Variants in EFR3B observed in about 807,000 individuals in gnomAD.
EFR3B encodes the protein EFR3 homolog B, also known as protein EFR3 homolog B.
In EFR3B, 64 loss-of-function variants were observed where a neutral mutation model predicts 104.7. The observed-to-expected ratio is 0.61, with a 90% CI of 0.50 to 0.75. EFR3B has a LOEUF of 0.75. EFR3B is among the 30% of genes least tolerant of loss of function. EFR3B has a pLI of 0.00. For missense variants in EFR3B, 750 were observed against 1,078.5 expected, an observed-to-expected ratio of 0.70 and a Z score of 4.27; for synonymous variants, 385 against 417.9, an observed-to-expected ratio of 0.92 and a Z score of 0.96.
rs768932917 is a variant in EFR3B at position 25,153,701 on chromosome 2, T to C, written c.2299-11T>C. 1.3e-6 allele frequency: 2 copies of C among 1,551,526 alleles called. No individual in the cohort carries two copies. The highest frequency in any genetic ancestry group is 2.7e-5 in the African/African-American group (2 of 73,036). On this transcript the variant is annotated splice_polypyrimidine_tract_variant and intron_variant, in intron 21 of 22. Coordinates refer to ENST00000403714, the MANE Select transcript of EFR3B (RefSeq NM_014971.2). ...ACCCCTGCCAGCTCACTTCCGTGTGTTTGTGTCTAGGCATCGCTGCTCCAG... is the reference window on the plus strand; with the variant it reads ...ACCCCTGCCAGCTCACTTCCGTGTGCTTGTGTCTAGGCATCGCTGCTCCAG...
At chr2:25,135,075 G>T (rs1027401020) in intron 12 of EFR3B, among the ~76,000 whole-genome samples, 2 of 152,158 alleles carry the variant, frequency 1.3e-5, no homozygotes, top group Non-Finnish European at 1.5e-5. Context: ...TTCTTCCACT[G>T]TCTCGTTCTT....
chr2:25,055,967 A>G (rs999245198), intron 1 of EFR3B, among the ~76,000 whole-genome samples: 4 of 152,194 alleles, frequency 2.6e-5, no homozygotes, highest in Non-Finnish European at 5.9e-5. Context: ...CTAGCATCTA[A>G]CCGGGAACTT....
chr2:25,052,711 G>T (rs1667910720), intron 1 of EFR3B, among the ~76,000 whole-genome samples: 1 of 151,742 alleles, frequency 6.6e-6, no homozygotes, highest in Non-Finnish European at 1.5e-5. Context: ...AACCATGTTG[G>T]TCAGGCTGAT....
chr2:25,067,878 G>A (rs745468476), intron 1 of EFR3B, among the ~76,000 whole-genome samples: 13 of 151,748 alleles, frequency 8.6e-5, no homozygotes, highest in East Asian at 1.9e-4. Flanking sequence ...TGGGGATCTC[G>A]CCATATTGCT....
intron 12 of EFR3B, 82 bp from the exon 13 acceptor site, chr2:25,135,385 T>A: frequency 6.7e-7 from 1 of 1,491,686 alleles, no homozygotes. Flanking sequence ...CAGACCTGAC[T>A]TCCTCTGGCT....
intron 5 of EFR3B, among the ~76,000 whole-genome samples, chr2:25,126,226 T>G (rs141691212): frequency 2.2e-4 from 34 of 152,316 alleles, no homozygotes; most frequent in Middle Eastern, 3.4e-3. Flanking sequence ...TCATCCGGGC[T>G]GGAGTGCAGT....
intron 20 of EFR3B, among the ~76,000 whole-genome samples, chr2:25,151,543 A>C (rs144122018): frequency 2.6e-5 from 4 of 152,160 alleles, no homozygotes; most frequent in Non-Finnish European, 4.4e-5. Flanking sequence ...AGTGTGAGCC[A>C]CCGTGCCCAG....
At position 25,154,194 on chromosome 2, in the gene EFR3B, C is replaced by G; in HGVS notation, c.2349-41C>G. 1.3e-6 allele frequency: 2 copies of G among 1,539,070 alleles called. No homozygotes were observed. The highest frequency in any genetic ancestry group is 2.4e-5 in the South Asian group (2 of 83,596). On this transcript the variant is annotated intron_variant, in intron 22 of 22. Transcript: ENST00000403714. The surrounding 1 kb of genome is among the most constrained non-coding windows in gnomAD (Gnocchi z 4.1). Reference sequence around the variant, plus strand: ...TGCACAAGGGTGGGATCCTAAAATTCTCTTTTCATGCCTTTCTCCCCATGT... The same window carrying G: ...TGCACAAGGGTGGGATCCTAAAATTGTCTTTTCATGCCTTTCTCCCCATGT...
chr2:25,121,463 AG>A (rs1168615283), intron 4 of EFR3B, among the ~76,000 whole-genome samples: 1 of 152,160 alleles, frequency 6.6e-6, no homozygotes, highest in East Asian at 1.9e-4. Flanking sequence ...AGGCCTGAGA[AG>A]GGCCATGGTT....
rs553890394 is a variant in EFR3B at position 25,120,888 on chromosome 2, A to T, written c.364-785A>T. On this transcript the variant is annotated intron_variant, in intron 4 of 22. Transcript: ENST00000403714. ...AAAATGGACTCCAATTTTTGTTGTTATCATTGTTTTTGTTTGTTTTTGTTT... is the reference window on the plus strand; with the variant it reads ...AAAATGGACTCCAATTTTTGTTGTTTTCATTGTTTTTGTTTGTTTTTGTTT... Among the ~76,000 whole-genome samples the T allele has an allele frequency of 2.0e-5, 3 of 152,184 alleles. No individual in the cohort carries two copies. In the South Asian group the frequency reaches 6.2e-4, roughly 32 times the overall value.
chr2:25,043,581 A>T (rs1476072710), intron 1 of EFR3B, among the ~76,000 whole-genome samples: 1 of 152,246 alleles, frequency 6.6e-6, no homozygotes, highest in East Asian at 1.9e-4. Flanking sequence ...CCAGGGTGAG[A>T]CATCAGCAGG....
intron 1 of EFR3B, among the ~76,000 whole-genome samples, chr2:25,086,630 T>A (rs545895401): frequency 1.3e-5 from 2 of 152,290 alleles, no homozygotes; most frequent in South Asian, 4.1e-4. Context: ...TCTTGCTCTG[T>A]CTCCCAGGCT....
At chr2:25,052,319 C>T (rs1409193176) in intron 1 of EFR3B, among the ~76,000 whole-genome samples, 7 of 151,970 alleles carry the variant, frequency 4.6e-5, no homozygotes, top group South Asian at 2.1e-4. Flanking sequence ...GAACACTGCC[C>T]GGTCCTCAAA....
rs1477593531 is a variant in EFR3B at position 25,114,535 on chromosome 2, G to C, written c.364-7138G>C. On this transcript the variant is annotated intron_variant, in intron 4 of 22. Coordinates refer to ENST00000403714, the MANE Select transcript of EFR3B (RefSeq NM_014971.2). This position sits in a 1 kb window ranked among gnomAD's most constrained non-coding sequence, Gnocchi z 4.0. ...ATCTAACAGAGCAAGAGTCCTGGCA[G>C]CCCGAGGGAATGGAATGGTCAACAG... Among the ~76,000 whole-genome samples, 3 of 152,200 alleles carry C rather than the reference G, an allele frequency of 2.0e-5. No homozygotes were observed. Among genetic ancestry groups the C allele is most frequent in the Non-Finnish European group, 4.4e-5 (3 of 68,030 alleles).
intron 1 of EFR3B, among the ~76,000 whole-genome samples, chr2:25,050,937 T>C (rs748082264): frequency 5.9e-5 from 9 of 152,238 alleles, no homozygotes; most frequent in Admixed American, 5.2e-4. Flanking sequence ...ATAGTCACTT[T>C]AATCTGCTCT....
At chr2:25,048,928 C>T (rs1667793299) in intron 1 of EFR3B, among the ~76,000 whole-genome samples, 1 of 152,192 alleles carries the variant, frequency 6.6e-6, no homozygotes, top group Non-Finnish European at 1.5e-5. Context: ...ACCCACCCAC[C>T]CTGTGGGGCT....
chr2:25,061,780 G>A (rs1040484992), intron 1 of EFR3B, among the ~76,000 whole-genome samples: 2 of 151,704 alleles, frequency 1.3e-5, no homozygotes, highest in African/African-American at 2.4e-5. Flanking sequence ...ATAGGCGTGA[G>A]CCACCCTGCC....
chr2:25,071,851 C>T (rs891911828), intron 1 of EFR3B, among the ~76,000 whole-genome samples: 1 of 152,192 alleles, frequency 6.6e-6, no homozygotes, highest in Admixed American at 6.5e-5. Flanking sequence ...GTGTCCTGTG[C>T]CTGTGATTAG....
In EFR3B at chr2:25,092,954, G is replaced by C. The variant is rs530010891; in HGVS notation, c.85-49G>C. 2.0e-6 allele frequency: 3 copies of C among 1,533,802 alleles called. No homozygotes were observed. In the East Asian group the frequency reaches 7.3e-5, roughly 38 times the overall value. Reference sequence around the variant, plus strand: ...ATTATTTTTCTCTAGACTTGAACTCGTCTAGCCATAGTGTGGCCATAGTGA... The same window carrying C: ...ATTATTTTTCTCTAGACTTGAACTCCTCTAGCCATAGTGTGGCCATAGTGA... On this transcript the variant is annotated intron_variant, in intron 2 of 22. Coordinates refer to ENST00000403714, the MANE Select transcript of EFR3B (RefSeq NM_014971.2).
Sources: allele counts gnomAD v4.1 joint callset (sites outside exome capture counted in the v4.1 genomes callset), GRCh38; gene constraint gnomAD v4.1.1; non-coding constraint Gnocchi (gnomAD v3.1); transcripts MANE v1.5; gene names NCBI Gene and HGNC (gene_info 2026-07-23, HGNC 2026-07-21).